SLC30A5: variants seen among roughly 807,000 people sequenced by gnomAD.
SLC30A5 encodes the protein solute carrier family 30 member 5.
Under a neutral mutation model 79.6 loss-of-function variants are expected in SLC30A5, and 33 were observed. The ratio of observed to expected loss-of-function variants is 0.41; its 90% CI spans 0.31 to 0.55. The LOEUF (loss-of-function observed/expected upper bound fraction) is 0.55. Among genes scored for constraint, SLC30A5 ranks in the 20% least tolerant of loss-of-function variants. The pLI is 0.20. For synonymous variants in SLC30A5, 299 were observed against 319.7 expected (o/e 0.94, Z 0.69); for missense variants, 788 against 928.1 (o/e 0.85, Z 1.96).
intron 4 of SLC30A5, among the ~76,000 whole-genome samples, chr5:69,108,146 G>A (rs927445810): frequency 1.3e-5 from 2 of 152,210 alleles, no homozygotes; most frequent in Admixed American, 6.5e-5. Flanking sequence ...AATTCTATGA[G>A]TGGTATGATT....
chr5:69,129,344 G>T, intron 15 of SLC30A5, 103 bp from the exon 16 acceptor site: 2 of 817,674 alleles, frequency 2.4e-6, no homozygotes, highest in Non-Finnish European at 1.8e-6. Context: ...CGTATTTTCA[G>T]ATTAAAGATA....
At chr5:69,126,989 T>G (rs909705048) in intron 14 of SLC30A5, among the ~76,000 whole-genome samples, 17 of 152,246 alleles carry the variant, frequency 1.1e-4, no homozygotes, top group Admixed American at 9.2e-4. Flanking sequence ...CATATTAAAA[T>G]TTTGAAAATA....
In SLC30A5 at chr5:69,100,910, AT is replaced by A; in HGVS notation, c.192del (p.Phe64LeufsTer3). Reference sequence around the variant, plus strand: ...AAAAGCTGTTCACATTGTTCAGTTCATTTTTATATTAAAACTTGGGTGAGTG... The same window carrying A: ...AAAAGCTGTTCACATTGTTCAGTTCATTTTATATTAAAACTTGGGTGAGTG... ...LLKAVHIVQF[I>X]FILKLGTAFF... On this transcript the variant is annotated frameshift_variant, in exon 2 of 16. Coordinates refer to ENST00000396591, the MANE Select transcript of SLC30A5 (RefSeq NM_022902.5). LOFTEE classifies it high-confidence loss of function. 6.4e-7 allele frequency: 1 copy of A among 1,556,664 alleles called. No homozygotes were observed. The highest frequency in any genetic ancestry group is 8.7e-7 in the Non-Finnish European group (1 of 1,144,738).
intron 3 of SLC30A5, among the ~76,000 whole-genome samples, chr5:69,103,798 T>C (rs1055268136): frequency 6.6e-6 from 1 of 152,236 alleles, no homozygotes; most frequent in African/African-American, 2.4e-5. Context: ...GGGCAGCAGT[T>C]ATACCATAGT....
Position 69,129,710 on chromosome 5 carries a change from A to T in SLC30A5, c.*93A>T, listed in dbSNP as rs1177190253. The stretch of plus-strand genomic sequence containing the variant: ...CCAGAAGGATAAAAATTACACATTA[A>T]CTGTACAGAAACAGAGTTCCCTACT... On this transcript the variant is annotated 3_prime_UTR_variant, in exon 16 of 16. Transcript: ENST00000396591. 1 of 1,188,752 alleles carries T rather than the reference A, an allele frequency of 8.4e-7. No homozygotes were observed. The highest frequency in any genetic ancestry group is 1.2e-6 in the Non-Finnish European group (1 of 862,212). 73.6% of individuals were successfully genotyped at this position (1,188,752 alleles called of 1,614,324 possible).
chr5:69,102,598 G>A (rs1192967997), intron 2 of SLC30A5: 1 of 152,142 alleles, frequency 6.6e-6, no homozygotes, highest in Non-Finnish European at 1.5e-5. Flanking sequence ...GATAGCTCAT[G>A]CCTGTTTTCC....
At chr5:69,101,399 C>T (rs1446849017) in intron 2 of SLC30A5, among the ~76,000 whole-genome samples, 1 of 151,872 alleles carries the variant, frequency 6.6e-6, no homozygotes, top group African/African-American at 2.4e-5. Flanking sequence ...CTGCCTCAGC[C>T]TCCCGAGTAG....
At chr5:69,120,937 T>G (rs1211423010) in intron 12 of SLC30A5, among the ~76,000 whole-genome samples, 1 of 152,232 alleles carries the variant, frequency 6.6e-6, no homozygotes, top group African/African-American at 2.4e-5. Context: ...GTAACTTTGT[T>G]TATCCTTTGG....
At chr5:69,097,286 T>G (rs1745772537) in intron 1 of SLC30A5, among the ~76,000 whole-genome samples, 1 of 151,986 alleles carries the variant, frequency 6.6e-6, no homozygotes, top group African/African-American at 2.4e-5. Flanking sequence ...GGGCTAATTT[T>G]TTGTATTTTT....
In SLC30A5 at chr5:69,130,688, T is replaced by C. The variant is rs957622763; in HGVS notation, c.*1071T>C. On this transcript the variant is annotated 3_prime_UTR_variant, in exon 16 of 16. Transcript: ENST00000396591. ...TTTCTATAGTCATATCTAATTTATA[T>C]TTTTTTCATTTCCAGTTGTAACTAG... is the stretch of plus-strand genomic sequence containing the variant. 6 of 152,122 alleles carry C rather than the reference T, an allele frequency of 3.9e-5. No homozygotes were observed. Among genetic ancestry groups the C allele is most frequent in the Non-Finnish European group, 5.9e-5 (4 of 68,006 alleles). The allele number at this position is 152,122 out of a possible 1,614,324, so 9.4% of individuals were successfully genotyped here. A position where few individuals can be genotyped will look rare whatever the true frequency, so the allele number is the denominator to read the frequency against.
rs569884220 is a variant in SLC30A5, at chr5:69,129,911, C to T, written c.*294C>T. 5.1e-6 allele frequency: 1 copy of T among 197,228 alleles called. No homozygotes were observed. Among genetic ancestry groups the T allele is most frequent in the South Asian group, 1.8e-4 (1 of 5,490 alleles). The allele number at this position is 197,228 out of a possible 1,614,324, so 12.2% of individuals were successfully genotyped here. A position where few individuals can be genotyped will look rare whatever the true frequency, so the allele number is the denominator to read the frequency against. On this transcript the variant is annotated 3_prime_UTR_variant, in exon 16 of 16. Coordinates refer to ENST00000396591, the MANE Select transcript of SLC30A5 (RefSeq NM_022902.5). ...TGGATTCTAGTGAAGACCAAAATTA[C>T]TTCTGTTTACTTTCTATCAGGAAGC...
At chr5:69,097,419 C>A (rs1375962280) in intron 1 of SLC30A5, among the ~76,000 whole-genome samples, 1 of 152,164 alleles carries the variant, frequency 6.6e-6, no homozygotes, top group Non-Finnish European at 1.5e-5. Flanking sequence ...CCTGCTCTTT[C>A]TTCTCTTTTT....
Position 69,128,151 on chromosome 5 carries a change from A to C in SLC30A5, c.2127+19A>C, listed in dbSNP as rs891047886. ...ACAGCAGGTAATCTTTTGTTTTTAA[A>C]GTAATTTTAATTGAGGTCATTCATA... On this transcript the variant is annotated intron_variant, in intron 15 of 15. Coordinates refer to ENST00000396591, the MANE Select transcript of SLC30A5 (RefSeq NM_022902.5). The C allele has an allele frequency of 5.0e-6, 8 of 1,595,296 alleles. No individual in the cohort carries two copies. In the African/African-American group the frequency reaches 8.1e-5, roughly 16 times the overall value.
chr5:69,127,270 A>G (rs1746723140), intron 14 of SLC30A5, among the ~76,000 whole-genome samples: 1 of 152,154 alleles, frequency 6.6e-6, no homozygotes, highest in Admixed American at 6.6e-5. Context: ...TAGAATAGGC[A>G]GAGTTGTGCT....
intron 5 of SLC30A5, 23 bp downstream of exon 5, chr5:69,108,459 A>G: frequency 6.6e-7 from 1 of 1,514,894 alleles, no homozygotes; most frequent in Non-Finnish European, 9.2e-7. Context: ...ATTATCAGTT[A>G]CTTGGAAATG....
In SLC30A5 at chr5:69,116,740, C is replaced by A; in HGVS notation, c.1281+138C>A. On this transcript the variant is annotated intron_variant, in intron 10 of 15. Coordinates refer to ENST00000396591, the MANE Select transcript of SLC30A5 (RefSeq NM_022902.5). This position sits in a 1 kb window ranked among gnomAD's most constrained non-coding sequence, Gnocchi z 4.0. ...TTTAAATTTTTTCTAAGTATAATAG[C>A]AAGATTACGAGATCATATTCAGATT... 1.8e-6 allele frequency: 1 copy of A among 570,042 alleles called. No homozygotes were observed. Among genetic ancestry groups the A allele is most frequent in the Non-Finnish European group, 2.9e-6 (1 of 349,204 alleles). 35.3% of individuals were successfully genotyped at this position (570,042 alleles called of 1,614,324 possible). A position where few individuals can be genotyped will look rare whatever the true frequency, so the allele number is the denominator to read the frequency against.
At chr5:69,109,180 A>T (rs956356959) in intron 5 of SLC30A5, among the ~76,000 whole-genome samples, 7 of 152,208 alleles carry the variant, frequency 4.6e-5, no homozygotes, top group African/African-American at 1.7e-4. Flanking sequence ...TACATTTAAA[A>T]TAACTAAAAG....
intron 1 of SLC30A5, among the ~76,000 whole-genome samples, chr5:69,095,750 CA>C (rs1745709024): frequency 1.3e-5 from 2 of 152,068 alleles, no homozygotes. Context: ...GGACTATGGA[CA>C]GTAGATTAAA....
intron 1 of SLC30A5, among the ~76,000 whole-genome samples, chr5:69,094,551 G>T (rs1052617380): frequency 5.9e-5 from 9 of 152,064 alleles, no homozygotes; most frequent in Non-Finnish European, 1.0e-4. Flanking sequence ...AAAAGCTTCT[G>T]CTTGAATTTC....
Sources: gnomAD v4.1 joint callset for allele counts (sites outside exome capture counted in the v4.1 genomes callset) on GRCh38, gnomAD v4.1.1 for gene constraint, Gnocchi (gnomAD v3.1) non-coding constraint, MANE v1.5 for transcripts, NCBI Gene and HGNC (gene_info 2026-07-23, HGNC 2026-07-21) for gene names.